The following SERPINI1 variants were observed in gnomAD, a reference collection of about 807,000 sequenced individuals.
The protein encoded by SERPINI1 is neuroserpin.
Under a neutral mutation model 41.1 loss-of-function variants are expected in SERPINI1, and 19 were observed. The ratio of observed to expected loss-of-function variants is 0.46; its 90% CI spans 0.32 to 0.68. The LOEUF (loss-of-function observed/expected upper bound fraction) is 0.68. SERPINI1 is among the 30% of genes least tolerant of loss of function. The pLI is 0.03. For missense variants in SERPINI1, 460 were observed against 479.2 expected, an observed-to-expected ratio of 0.96 and a Z score of 0.37; for synonymous variants, 138 against 156.6, an observed-to-expected ratio of 0.88 and a Z score of 0.89.
chr3:167,812,481 C>T (rs1433567598), intron 6 of SERPINI1, among the ~76,000 whole-genome samples: 1 of 152,216 alleles, frequency 6.6e-6, no homozygotes, highest in African/African-American at 2.4e-5. Flanking sequence ...TTCATCAAGG[C>T]ATCATGACTA....
intron 5 of SERPINI1, among the ~76,000 whole-genome samples, chr3:167,806,275 G>A (rs927138745): frequency 4.0e-5 from 6 of 151,862 alleles, no homozygotes; most frequent in African/African-American, 1.5e-4. Flanking sequence ...CGAACAATGA[G>A]AACATGTAGA....
At chr3:167,823,293 C>T (rs529046823) in intron 7 of SERPINI1, among the ~76,000 whole-genome samples, 171 of 152,288 alleles carry the variant, frequency 1.1e-3, no homozygotes, top group South Asian at 3.3e-3. Flanking sequence ...CATTTTCTCT[C>T]TAATGAGAGA....
At chr3:167,774,902 C>T (rs1259375208) in intron 1 of SERPINI1, among the ~76,000 whole-genome samples, 1 of 152,008 alleles carries the variant, frequency 6.6e-6, no homozygotes, top group Non-Finnish European at 1.5e-5. Context: ...AGTTGTGAGG[C>T]TGACATTGTA....
intron 5 of SERPINI1, among the ~76,000 whole-genome samples, chr3:167,803,182 C>T (rs866250499): frequency 4.0e-5 from 6 of 151,604 alleles, no homozygotes; most frequent in East Asian, 1.9e-4. Flanking sequence ...TGCTAGATGA[C>T]GAGTTAGTGG....
At chr3:167,740,711 C>T (rs774810610) in intron 1 of SERPINI1, among the ~76,000 whole-genome samples, 11 of 152,118 alleles carry the variant, frequency 7.2e-5, no homozygotes, top group Admixed American at 2.0e-4. Flanking sequence ...AACTTGCGCG[C>T]GCGCTTGTGT....
At chr3:167,755,886 G>C (rs1726178190) in intron 1 of SERPINI1, among the ~76,000 whole-genome samples, 1 of 149,108 alleles carries the variant, frequency 6.7e-6, no homozygotes, top group South Asian at 2.1e-4. Flanking sequence ...GATATTCAGT[G>C]AAAGAGTTGG....
intron 1 of SERPINI1, among the ~76,000 whole-genome samples, chr3:167,740,647 T>C (rs1359116783): frequency 6.6e-6 from 1 of 152,234 alleles, no homozygotes; most frequent in African/African-American, 2.4e-5. Flanking sequence ...AATATAAATA[T>C]TGCTATCTTG....
chr3:167,772,883 T>TAC (rs1726825107), intron 1 of SERPINI1, among the ~76,000 whole-genome samples: 1 of 70,946 alleles, frequency 1.4e-5, no homozygotes, highest in Admixed American at 1.6e-4. Flanking sequence ...TATATATATA[T>TAC]ATATATATAT....
At chr3:167,761,366 A>G (rs960342735) in intron 1 of SERPINI1, among the ~76,000 whole-genome samples, 2 of 152,206 alleles carry the variant, frequency 1.3e-5, no homozygotes, top group Non-Finnish European at 2.9e-5. Context: ...TAAATTCCCA[A>G]TTGTAACAAT....
chr3:167,751,696 G>A (rs1726053218), intron 1 of SERPINI1, among the ~76,000 whole-genome samples: 1 of 152,050 alleles, frequency 6.6e-6, no homozygotes, highest in Admixed American at 6.6e-5. Context: ...CTGTCAGGAT[G>A]AAACTAATTG....
intron 7 of SERPINI1, 38 bp from the exon 8 acceptor site, chr3:167,824,435 A>G: frequency 6.8e-7 from 1 of 1,476,276 alleles, no homozygotes; most frequent in Non-Finnish European, 9.5e-7. Flanking sequence ...GTCTCTGCAC[A>G]TCCACAGACA....
In SERPINI1 at chr3:167,794,723, G is replaced by A. The variant is rs747835793; in HGVS notation, c.780G>A (p.Gln260=). ...EISMMLVLSR[Q]EVPLATLEPL... ...GCATGATGCTGGTGCTGTCCAGACA[G>A]GAAGTTCCTCTTGCTACTCTGGAGC... The change falls in exon 5 of 9, where the codon CAG becomes CAA. Residue 260 remains glutamine, a synonymous_variant. Transcript: ENST00000446050. 1.2e-6 allele frequency: 2 copies of A among 1,613,600 alleles called. No individual in the cohort carries two copies. Among genetic ancestry groups the A allele is most frequent in the African/African-American group, 1.3e-5 (1 of 74,880 alleles).
chr3:167,812,342 T>C (rs1245146532), intron 6 of SERPINI1, among the ~76,000 whole-genome samples: 5 of 152,222 alleles, frequency 3.3e-5, no homozygotes, highest in African/African-American at 1.2e-4. Flanking sequence ...TGATTCCATA[T>C]ACACAACTCC....
chr3:167,821,256 A>T (rs1712315551), intron 6 of SERPINI1, among the ~76,000 whole-genome samples: 1 of 152,164 alleles, frequency 6.6e-6, no homozygotes, highest in South Asian at 2.1e-4. Context: ...GCCGTGTTGT[A>T]GGCAGCAAGA....
intron 4 of SERPINI1, 79 bp downstream of exon 4, chr3:167,792,863 T>C: frequency 8.2e-7 from 1 of 1,216,942 alleles, no homozygotes; most frequent in Non-Finnish European, 1.2e-6. Context: ...AGCATTCATA[T>C]TCAAACTCCT....
At chr3:167,794,001 C>T (rs1050279839) in intron 4 of SERPINI1, among the ~76,000 whole-genome samples, 6 of 151,948 alleles carry the variant, frequency 3.9e-5, no homozygotes, top group Non-Finnish European at 8.8e-5. Context: ...TTTGACTCTG[C>T]AAACTTTGCT....
At chr3:167,778,757 T>G (rs1727032914) in intron 1 of SERPINI1, among the ~76,000 whole-genome samples, 2 of 152,360 alleles carry the variant, frequency 1.3e-5, no homozygotes, top group South Asian at 4.1e-4. Flanking sequence ...GCTTATAGGC[T>G]GGCAGAATTC....
chr3:167,799,200 A>G (rs1423101027), intron 5 of SERPINI1, among the ~76,000 whole-genome samples: 1 of 151,940 alleles, frequency 6.6e-6, no homozygotes, highest in South Asian at 2.1e-4. Flanking sequence ...CAAGGCCCCA[A>G]CCCTCCAACA....
At chr3:167,762,957 G>T (rs1482946173) in intron 1 of SERPINI1, among the ~76,000 whole-genome samples, 1 of 152,130 alleles carries the variant, frequency 6.6e-6, no homozygotes, top group Non-Finnish European at 1.5e-5. Flanking sequence ...GAAGGAAGGG[G>T]TCTGGACTTT....
Sources: allele counts gnomAD v4.1 joint callset (sites outside exome capture counted in the v4.1 genomes callset), GRCh38; gene constraint gnomAD v4.1.1; transcripts MANE v1.5; gene names NCBI Gene and HGNC (gene_info 2026-07-23, HGNC 2026-07-21).